WNT7A: variants seen among roughly 807,000 people sequenced by gnomAD.
WNT7A encodes the protein Wnt family member 7A, also known as protein Wnt-7a.
In WNT7A, 16 loss-of-function variants were observed where a neutral mutation model predicts 28.2. The observed-to-expected ratio is 0.57, with a 90% confidence interval of 0.38 to 0.86. The LOEUF (loss-of-function observed/expected upper bound fraction) is 0.86, where lower values mean the gene tolerates loss of function less well. WNT7A is among the 40% of genes least tolerant of loss of function. WNT7A has a pLI of 0.00. For missense variants in WNT7A, 411 were observed against 489.7 expected, an observed-to-expected ratio of 0.84 and a Z score of 1.52; for synonymous variants, 190 against 195.9, an observed-to-expected ratio of 0.97 and a Z score of 0.25.
intron 3 of WNT7A, among the ~76,000 whole-genome samples, chr3:13,846,733 C>G (rs1694542924): frequency 6.6e-6 from 1 of 152,130 alleles, no homozygotes; most frequent in South Asian, 2.1e-4. Context: ...CCTGGTCCTG[C>G]CTGCCACCCT....
intron 3 of WNT7A, among the ~76,000 whole-genome samples, chr3:13,837,545 A>AATGG (rs1490604587): frequency 6.6e-6 from 1 of 151,746 alleles, no homozygotes; most frequent in East Asian, 1.9e-4. Flanking sequence ...TGAGTGAATG[A>AATGG]ATGAATGAAT....
chr3:13,821,244 G>A (rs1694104947), intron 3 of WNT7A, among the ~76,000 whole-genome samples: 1 of 152,196 alleles, frequency 6.6e-6, no homozygotes, highest in Admixed American at 6.5e-5. Context: ...GAGATACCTG[G>A]GGGATGCTCA....
At chr3:13,855,857 G>T (rs1575069293) in intron 2 of WNT7A, among the ~76,000 whole-genome samples, 1 of 152,150 alleles carries the variant, frequency 6.6e-6, no homozygotes, top group South Asian at 2.1e-4. Flanking sequence ...GCAGGCAAAG[G>T]GGGGCCAGAG....
intron 2 of WNT7A, among the ~76,000 whole-genome samples, chr3:13,866,324 C>G (rs1694909423): frequency 6.6e-6 from 1 of 152,222 alleles, no homozygotes; most frequent in South Asian, 2.1e-4. Context: ...GTGCCAGGCA[C>G]AGTTCTGAGT....
Position 13,880,033 on chromosome 3 carries a change from G to T in WNT7A, c.-217C>A. ...GGAGGGAGGAGCGAGCGCGGCGTGG[G>T]GCGACGCCGGGCTGCGCGCGAGCGA... On this transcript the variant is annotated 5_prime_UTR_variant, in exon 1 of 4. Transcript: ENST00000285018. 2.8e-6 allele frequency: 1 copy of T among 360,022 alleles called. No individual in the cohort carries two copies. Among genetic ancestry groups the T allele is most frequent in the Non-Finnish European group, 4.9e-6 (1 of 202,176 alleles). The allele number at this position is 360,022 out of a possible 1,614,324, so 22.3% of individuals were successfully genotyped here. A position where few individuals can be genotyped will look rare whatever the true frequency, so the allele number is the denominator to read the frequency against.
At chr3:13,832,364 C>CACAGGCTCCTCCCACTCCTCCTCCTCT (rs1694295262) in intron 3 of WNT7A, among the ~76,000 whole-genome samples, 1 of 151,466 alleles carries the variant, frequency 6.6e-6, no homozygotes, top group Non-Finnish European at 1.5e-5. Flanking sequence ...CCTCATCCTC[C>CACAGGCTCCTCCCACTCCTCCTCCTCT]ACAGGCTCCT....
At chr3:13,866,545 A>G (rs1199491780) in intron 2 of WNT7A, among the ~76,000 whole-genome samples, 1 of 152,216 alleles carries the variant, frequency 6.6e-6, no homozygotes, top group Non-Finnish European at 1.5e-5. Flanking sequence ...GCGGACAAGG[A>G]CAGGCAGTGT....
intron 3 of WNT7A, among the ~76,000 whole-genome samples, chr3:13,829,061 C>T (rs1694239543): frequency 6.6e-6 from 1 of 152,144 alleles, no homozygotes; most frequent in African/African-American, 2.4e-5. Context: ...AAAACAGAGA[C>T]CCGGAAAAGC....
chr3:13,875,364 C>A (rs895575526), intron 1 of WNT7A, among the ~76,000 whole-genome samples, 191 bp from the exon 2 acceptor site: 3 of 152,174 alleles, frequency 2.0e-5, no homozygotes, highest in Non-Finnish European at 2.9e-5. Flanking sequence ...GCTCTTGAAT[C>A]AATGCGTATA....
intron 3 of WNT7A, among the ~76,000 whole-genome samples, chr3:13,851,148 C>G (rs898212492): frequency 2.6e-5 from 4 of 152,236 alleles, no homozygotes; most frequent in Admixed American, 2.6e-4. Flanking sequence ...TGGGTTTAGG[C>G]ACCAACCGTG....
chr3:13,844,958 C>T (rs1694515329), intron 3 of WNT7A, among the ~76,000 whole-genome samples: 1 of 152,174 alleles, frequency 6.6e-6, no homozygotes, highest in Non-Finnish European at 1.5e-5. Context: ...AGTCCCAATC[C>T]CCCTCCCGAG....
intron 3 of WNT7A, among the ~76,000 whole-genome samples, chr3:13,850,542 C>T (rs1321388172): frequency 6.6e-6 from 1 of 152,138 alleles, no homozygotes; most frequent in African/African-American, 2.4e-5. Context: ...GGAATTCCAT[C>T]CCCCTGAGCT....
chr3:13,832,450 C>T (rs1362811985), intron 3 of WNT7A, among the ~76,000 whole-genome samples: 2 of 151,682 alleles, frequency 1.3e-5, no homozygotes, highest in African/African-American at 2.4e-5. Context: ...GCTTCTCCTT[C>T]TTCCCAAGCT....
intron 2 of WNT7A, 52 bp downstream of exon 2, chr3:13,874,895 G>C (rs1369332023): frequency 7.5e-5 from 119 of 1,578,658 alleles, no homozygotes; most frequent in Non-Finnish European, 1.0e-4. Context: ...AGGGTATTCT[G>C]GTGTCCCTAG....
intron 2 of WNT7A, among the ~76,000 whole-genome samples, chr3:13,865,574 T>C (rs1694898020): frequency 1.3e-5 from 2 of 152,148 alleles, no homozygotes; most frequent in Admixed American, 1.3e-4. Context: ...GTTTTTTATT[T>C]GGGGTGAGAA....
intron 3 of WNT7A, among the ~76,000 whole-genome samples, chr3:13,844,780 G>A (rs147602808): frequency 1.8e-4 from 28 of 152,288 alleles, no homozygotes; most frequent in African/African-American, 6.7e-4. Flanking sequence ...AGACACAAGT[G>A]TTGAGGATTA....
chr3:13,821,978 C>T (rs375422865), intron 3 of WNT7A, among the ~76,000 whole-genome samples: 26 of 152,206 alleles, frequency 1.7e-4, no homozygotes, highest in Admixed American at 5.9e-4. Context: ...CAATGGCCAA[C>T]AAGCACATGA....
intron 2 of WNT7A, among the ~76,000 whole-genome samples, chr3:13,861,250 C>T (rs1327752161): frequency 3.3e-5 from 5 of 152,256 alleles, no homozygotes; most frequent in African/African-American, 1.2e-4. Flanking sequence ...ATCCTCCACC[C>T]CTGGCAGTGG....
chr3:13,854,523 G>A lies in WNT7A; in HGVS notation c.570+9C>T. 1.2e-6 allele frequency: 2 copies of A among 1,614,036 alleles called. No individual in the cohort carries two copies. Among genetic ancestry groups the A allele is most frequent in the Non-Finnish European group, 1.7e-6 (2 of 1,180,048 alleles). Reference sequence around the variant, plus strand: ...GAGCGCCGCCCAGCTGCCCTCCCTGGCTTCCTACCTTTCGGCCTGCCTCGT... The same window carrying A: ...GAGCGCCGCCCAGCTGCCCTCCCTGACTTCCTACCTTTCGGCCTGCCTCGT... On this transcript the variant is annotated intron_variant, in intron 3 of 3. Transcript: ENST00000285018.
Sources: allele counts gnomAD v4.1 joint callset (sites outside exome capture counted in the v4.1 genomes callset), GRCh38; gene constraint gnomAD v4.1.1; transcripts MANE v1.5; gene names NCBI Gene and HGNC (gene_info 2026-07-23, HGNC 2026-07-21).